USP34: variants seen among roughly 807,000 people sequenced by gnomAD.
USP34 encodes the protein ubiquitin carboxyl-terminal hydrolase 34.
Under a neutral mutation model 460.3 loss-of-function variants are expected in USP34, and 70 were observed. The observed-to-expected ratio is 0.15, with a 90% confidence interval of 0.13 to 0.19. The LOEUF is 0.19. Among genes scored for constraint, USP34 ranks in the 10% least tolerant of loss-of-function variants. The pLI is 1.00. For synonymous variants in USP34, 1,647 were observed against 1,405.3 expected, an observed-to-expected ratio of 1.17 and a Z score of -3.85; for missense variants, 3,985 against 4,236.2, an observed-to-expected ratio of 0.94 and a Z score of 1.65.
chr2:61,296,680 A>G (rs1690040609), intron 30 of USP34, 120 bp downstream of exon 30: 1 of 1,032,126 alleles, frequency 9.7e-7, no homozygotes, highest in Admixed American at 2.9e-5. Flanking sequence ...TACCTACTAT[A>G]TGGGTAAAAA....
chr2:61,454,632 C>G (rs1474556621), intron 1 of USP34, among the ~76,000 whole-genome samples: 1 of 152,086 alleles, frequency 6.6e-6, no homozygotes, highest in Non-Finnish European at 1.5e-5. Flanking sequence ...TCACTTCAAC[C>G]TCCGCCTCCC....
intron 33 of USP34, among the ~76,000 whole-genome samples, chr2:61,291,454 A>G (rs1010424202): frequency 1.4e-4 from 21 of 152,336 alleles, no homozygotes; most frequent in African/African-American, 5.0e-4. Context: ...ACAACTGTTT[A>G]TAACAACATT....
chr2:61,282,670 G>A (rs1689569028), intron 37 of USP34, among the ~76,000 whole-genome samples: 1 of 151,992 alleles, frequency 6.6e-6, no homozygotes, highest in South Asian at 2.1e-4. Context: ...TGCACCTATG[G>A]TCCCAGCTAC....
At chr2:61,268,612 C>T (rs1689123995) in intron 41 of USP34, among the ~76,000 whole-genome samples, 2 of 151,850 alleles carry the variant, frequency 1.3e-5, no homozygotes, top group East Asian at 3.8e-4. Flanking sequence ...TATAACACCG[C>T]AAAATGAACT....
chr2:61,276,106 A>C (rs1250531952), intron 41 of USP34, among the ~76,000 whole-genome samples: 1 of 152,210 alleles, frequency 6.6e-6, no homozygotes, highest in Non-Finnish European at 1.5e-5. Flanking sequence ...CCAATTAACA[A>C]AGAAATAAAA....
chr2:61,240,209 A>G (rs1338125686), intron 53 of USP34, among the ~76,000 whole-genome samples: 1 of 150,762 alleles, frequency 6.6e-6, no homozygotes, highest in Admixed American at 6.6e-5. Context: ...TTATGTACTC[A>G]ATAATGTACT....
chr2:61,261,350 A>G (rs1005226855), intron 43 of USP34, among the ~76,000 whole-genome samples: 1 of 152,258 alleles, frequency 6.6e-6, no homozygotes, highest in Admixed American at 6.5e-5. Context: ...TGACACATAC[A>G]ACAGCATGGA....
intron 52 of USP34, 43 bp downstream of exon 52, chr2:61,241,723 G>C (rs1299601069): frequency 6.7e-7 from 1 of 1,493,014 alleles, no homozygotes. Context: ...AGACAATGCA[G>C]AAGAAAAAAC....
At chr2:61,428,569 A>T (rs1694576871) in intron 1 of USP34, among the ~76,000 whole-genome samples, 1 of 152,232 alleles carries the variant, frequency 6.6e-6, no homozygotes. Flanking sequence ...CAAGAAATTT[A>T]ACCTGAATCT....
intron 1 of USP34, among the ~76,000 whole-genome samples, chr2:61,452,678 G>T (rs1020409943): frequency 9.9e-5 from 15 of 151,216 alleles, no homozygotes; most frequent in African/African-American, 3.4e-4. Context: ...GAAACCAGGA[G>T]TTCGAGACCC....
intron 27 of USP34, among the ~76,000 whole-genome samples, chr2:61,302,435 A>G (rs907431825): frequency 2.6e-5 from 4 of 152,186 alleles, no homozygotes; most frequent in African/African-American, 9.6e-5. Context: ...CTTAAGCACA[A>G]TTTTTTTATA....
At chr2:61,470,056 T>G (rs1188859667) in intron 1 of USP34, among the ~76,000 whole-genome samples, 1 of 152,190 alleles carries the variant, frequency 6.6e-6, no homozygotes, top group Non-Finnish European at 1.5e-5. Flanking sequence ...ATTAACAAAT[T>G]TATTTTAAAA....
chr2:61,191,182 A>G (rs1686630124), intron 76 of USP34: 1 of 152,452 alleles, frequency 6.6e-6, no homozygotes. Context: ...TAAACAATAA[A>G]TCTTCTTTCC....
chr2:61,213,901 A>G (rs914628986), intron 68 of USP34, among the ~76,000 whole-genome samples, 159 bp downstream of exon 68: 1 of 152,364 alleles, frequency 6.6e-6, no homozygotes, highest in Non-Finnish European at 1.5e-5. Flanking sequence ...ATAACAACAC[A>G]GCATTTTATA....
At chr2:61,399,874 C>CCAAAAAAAAAAAAAAAA (rs1693658071) in intron 3 of USP34, among the ~76,000 whole-genome samples, 5 of 69,984 alleles carry the variant, frequency 7.1e-5, no homozygotes, top group African/African-American at 2.9e-4. Context: ...CACTGTCTCC[C>CCAAAAAAAAAAAAAAAA]AAAAAAAAAA....
At position 61,348,075 on chromosome 2, in the gene USP34, C is replaced by A. The variant is rs1373182900; in HGVS notation, c.2080G>T (p.Ala694Ser). 2.5e-6 allele frequency: 4 copies of A among 1,614,080 alleles called. No homozygotes were observed. Among genetic ancestry groups the A allele is most frequent in the East Asian group, 2.2e-5 (1 of 44,896 alleles). Residue 694 changes from alanine (A) to serine (S), a missense_variant, in exon 15 of 80, where the codon GCT (alanine) becomes TCT (serine). Physicochemically the swap from Ala to Ser is moderately conservative, Grantham distance 99. Around this residue, in one of 14 missense-constraint regions of USP34, gnomAD observed 716 missense variants for 626.2 expected, o/e 1.14. Coordinates refer to ENST00000398571, the MANE Select transcript of USP34 (RefSeq NM_014709.4). ...SVDNRMRMLD[A>S]CSHSEDPEHD... ...TCTGGGTCTTCAGAGTGTGAACAAGCATCCAGCATTCGCATTCGATTATCT... is the reference window on the plus strand; with the variant it reads ...TCTGGGTCTTCAGAGTGTGAACAAGAATCCAGCATTCGCATTCGATTATCT...
At chr2:61,417,162 C>A in intron 2 of USP34, 1 of 1,577,690 alleles carries the variant, frequency 6.3e-7, no homozygotes, top group African/African-American at 1.3e-5. Context: ...TGCCCTGGGG[C>A]TTTCCAAAGG....
chr2:61,370,644 T>C, intron 8 of USP34, 65 bp from the exon 9 acceptor site: 2 of 1,468,404 alleles, frequency 1.4e-6, no homozygotes, highest in Non-Finnish European at 1.9e-6. Context: ...GTCTAAAAGG[T>C]AGAGTCAATT....
intron 18 of USP34, among the ~76,000 whole-genome samples, chr2:61,338,664 T>A (rs950230661): frequency 1.3e-5 from 2 of 152,112 alleles, no homozygotes; most frequent in East Asian, 3.8e-4. Flanking sequence ...GCAGTATAGG[T>A]CAAGGGAAAC....
Sources: allele counts gnomAD v4.1 joint callset (sites outside exome capture counted in the v4.1 genomes callset), GRCh38; gene constraint gnomAD v4.1.1; regional missense constraint gnomAD v4.1.1; transcripts MANE v1.5; gene names NCBI Gene and HGNC (gene_info 2026-07-23, HGNC 2026-07-21).